Variants in SMIM1 observed in about 807,000 individuals in gnomAD.
SMIM1 encodes the protein small integral membrane protein 1.
Under a neutral mutation model 7.7 loss-of-function variants are expected in SMIM1, and 7 were observed. The ratio of observed to expected loss-of-function variants is 0.91; its 90% CI spans 0.52 to 1.71. The LOEUF (loss-of-function observed/expected upper bound fraction) is 1.71. Among genes scored for constraint, SMIM1 ranks in the 40% most tolerant of loss-of-function variants. The pLI is 0.00. For synonymous variants in SMIM1, 41 were observed against 42.7 expected (o/e 0.96, Z 0.16); for missense variants, 95 against 102.8 (o/e 0.92, Z 0.33).
rs1022028557 is a variant in SMIM1, at chr1:3,775,749, A to G, written c.111-46A>G. ...CCACAGTCCACTTAGGGGGCCCCTC[A>G]TGCGGCCCTGGCCTGGGGCTCACCT... is the stretch of plus-strand genomic sequence containing the variant. On this transcript the variant is annotated intron_variant, in intron 3 of 3. Transcript: ENST00000642557. The surrounding 1 kb of genome is among the most constrained non-coding windows in gnomAD (Gnocchi z 5.3). The G allele has an allele frequency of 1.2e-5, 18 of 1,533,550 alleles. No individual in the cohort carries two copies. Among genetic ancestry groups the G allele is most frequent in the Non-Finnish European group, 1.5e-5 (17 of 1,140,096 alleles). The allele number at this position is 1,533,550 out of a possible 1,614,324, so 95.0% of individuals were successfully genotyped here.
Position 3,775,580 on chromosome 1 carries a change from AC to A in SMIM1, c.110+101del. The stretch of plus-strand genomic sequence containing the variant: ...CCTGCTACCGGCCCCATCACCCTCC[AC>A]CCCATCCTGGCTGGGAGCCCACGGT... On this transcript the variant is annotated intron_variant, in intron 3 of 3. Transcript: ENST00000642557. This position sits in a 1 kb window ranked among gnomAD's most constrained non-coding sequence, Gnocchi z 5.3. 1.5e-6 allele frequency: 2 copies of A among 1,301,266 alleles called. No individual in the cohort carries two copies. Among genetic ancestry groups the A allele is most frequent in the Non-Finnish European group, 2.1e-6 (2 of 955,312 alleles). The allele number at this position is 1,301,266 out of a possible 1,614,324, so 80.6% of individuals were successfully genotyped here.
At position 3,775,752 on chromosome 1, in the gene SMIM1, C is replaced by T. The variant is rs1317398665; in HGVS notation, c.111-43C>T. On this transcript the variant is annotated intron_variant, in intron 3 of 3. Transcript: ENST00000642557. The surrounding 1 kb of genome is among the most constrained non-coding windows in gnomAD (Gnocchi z 5.3). ...CAGTCCACTTAGGGGGCCCCTCATG[C>T]GGCCCTGGCCTGGGGCTCACCTCCA... 7 of 1,533,714 alleles carry T rather than the reference C, an allele frequency of 4.6e-6. No individual in the cohort carries two copies. The highest frequency in any genetic ancestry group is 2.0e-5 in the Admixed American group (1 of 49,504).
Position 3,775,939 on chromosome 1 carries a change from C to G in SMIM1, c.*18C>G, listed in dbSNP as rs61759304. 1.9e-6 allele frequency: 3 copies of G among 1,545,470 alleles called. No homozygotes were observed. The highest frequency in any genetic ancestry group is 2.6e-6 in the Non-Finnish European group (3 of 1,146,144). ...GCAAATAAATGCTGCCCCGCATGCA[C>G]GCGGGGGGCTGGCCGCACACGTGAG... On this transcript the variant is annotated 3_prime_UTR_variant, in exon 4 of 4. Coordinates refer to ENST00000642557, the MANE Select transcript of SMIM1 (RefSeq NM_001288583.2). This position sits in a 1 kb window ranked among gnomAD's most constrained non-coding sequence, Gnocchi z 5.3.
Position 3,774,869 on chromosome 1 carries a change from A to AC in SMIM1, c.-75-422dup, listed in dbSNP as rs1161644182. On this transcript the variant is annotated intron_variant, in intron 2 of 3. Transcript: ENST00000642557. ...TGCCCCGGACCTGCTGCCCTGCCCC[A>AC]CCCCCCCCTCCCCTGGCCAGCCTCC... 7.5e-4 allele frequency among the ~76,000 whole-genome samples: 72 copies of AC among 96,466 alleles called. No homozygotes were observed. In the South Asian group the frequency reaches 7.5e-3, roughly 10 times the overall value. The allele number at this position is 96,466 out of a possible 152,430, so 63.3% of individuals were successfully genotyped here.
At chr1:3,774,018 C>A (rs1455866896) in intron 2 of SMIM1, among the ~76,000 whole-genome samples, 2 of 152,234 alleles carry the variant, frequency 1.3e-5, no homozygotes, top group Non-Finnish European at 2.9e-5. Context: ...CCTCTCTGGG[C>A]TTTGGGGGAA....
rs111573237 is a variant in SMIM1, at chr1:3,774,083, G to A, written c.-76+902G>A. 3.3e-3 allele frequency among the ~76,000 whole-genome samples: 510 copies of A among 152,326 alleles called. 3 individuals carry two copies. Among genetic ancestry groups the A allele is most frequent in the Non-Finnish European group, 4.3e-3 (293 of 68,022 alleles). ...AACTGCCTGGGGCCTGAGTTTCTGA[G>A]CTGGCTTCTTGCAGGGGAGTGGCTG... On this transcript the variant is annotated intron_variant, in intron 2 of 3. Coordinates refer to ENST00000642557, the MANE Select transcript of SMIM1 (RefSeq NM_001288583.2).
intron 2 of SMIM1, among the ~76,000 whole-genome samples, chr1:3,773,497 C>G (rs934016712): frequency 6.6e-6 from 1 of 152,146 alleles, no homozygotes; most frequent in South Asian, 2.1e-4. Flanking sequence ...GTTGAACACA[C>G]TGGGCTTGAC....
At chr1:3,774,587 C>T (rs921477257) in intron 2 of SMIM1, among the ~76,000 whole-genome samples, 1 of 152,190 alleles carries the variant, frequency 6.6e-6, no homozygotes, top group African/African-American at 2.4e-5. Context: ...AGGGAGCTGG[C>T]CTTGGGGCCG....
chr1:3,775,388 G>A lies in SMIM1; in HGVS notation c.15G>A (p.Glu5=), dbSNP rs997205009. The A allele has an allele frequency of 3.2e-6, 5 of 1,549,982 alleles. No individual in the cohort carries two copies. In the African/African-American group the frequency reaches 6.9e-5, roughly 21 times the overall value. MQPQ[E]SHVHYSRWED... Reference sequence around the variant, plus strand: ...AGCCCCACAGCATGCAGCCCCAGGAGAGCCACGTCCACTATAGTAGGTGGG... The same window carrying A: ...AGCCCCACAGCATGCAGCCCCAGGAAAGCCACGTCCACTATAGTAGGTGGG... Residue 5 remains glutamate, a synonymous_variant, in exon 3 of 4, where the codon GAG becomes GAA. Transcript: ENST00000642557. The surrounding 1 kb of genome is among the most constrained non-coding windows in gnomAD (Gnocchi z 5.3).
At chr1:3,774,009 C>G (rs1484883358) in intron 2 of SMIM1, among the ~76,000 whole-genome samples, 1 of 152,242 alleles carries the variant, frequency 6.6e-6, no homozygotes, top group Non-Finnish European at 1.5e-5. Flanking sequence ...CTCCTTCTGC[C>G]TCTCTGGGCT....
At chr1:3,774,419 G>A (rs1004171101) in intron 2 of SMIM1, among the ~76,000 whole-genome samples, 1 of 152,154 alleles carries the variant, frequency 6.6e-6, no homozygotes, top group Non-Finnish European at 1.5e-5. Context: ...CTTAGAGTCC[G>A]GGCTGGCTCA....
rs1643398594 is a variant in SMIM1, at chr1:3,772,806, C to CGGGCTGCGGCTTCCCGGTGCGGCCGCAGT, written c.-195+23_-195+51dup. 2.0e-5 allele frequency: 3 copies of CGGGCTGCGGCTTCCCGGTGCGGCCGCAGT among 152,442 alleles called. No homozygotes were observed. Among genetic ancestry groups the CGGGCTGCGGCTTCCCGGTGCGGCCGCAGT allele is most frequent in the African/African-American group, 7.2e-5 (3 of 41,450 alleles). 9.4% of individuals were successfully genotyped at this position (152,442 alleles called of 1,614,324 possible). A position where few individuals can be genotyped will look rare whatever the true frequency, so the allele number is the denominator to read the frequency against. ...GGACACAGGTGAGGCGCGCGGGGTC[C>CGGGCTGCGGCTTCCCGGTGCGGCCGCAGT]GGGCTGCGGCTTCCCGGTGCGGCCG... On this transcript the variant is annotated intron_variant, in intron 1 of 3. Coordinates refer to ENST00000642557, the MANE Select transcript of SMIM1 (RefSeq NM_001288583.2).
rs1159550378 is a variant in SMIM1 at position 3,775,835 on chromosome 1, A to G, written c.151A>G (p.Met51Val). 6.4e-7 allele frequency: 1 copy of G among 1,550,858 alleles called. No homozygotes were observed. The highest frequency in any genetic ancestry group is 1.2e-5 in the South Asian group (1 of 84,064). Residue 51 changes from methionine to valine, a missense_variant, in exon 4 of 4, where the codon ATG becomes GTG. Transcript: ENST00000642557. This position sits in a 1 kb window ranked among gnomAD's most constrained non-coding sequence, Gnocchi z 5.3. Reference sequence around the variant, plus strand: ...GTGCACGGGCAAGCTGGGCATCGCCATGAAGGTGCTGGGCGGCGTGGCCCT... The same window carrying G: ...GTGCACGGGCAAGCTGGGCATCGCCGTGAAGGTGCTGGGCGGCGTGGCCCT... ...RLCTGKLGIA[M>V]KVLGGVALFW...
At chr1:3,774,712 C>T (rs965035072) in intron 2 of SMIM1, among the ~76,000 whole-genome samples, 11 of 152,180 alleles carry the variant, frequency 7.2e-5, no homozygotes, top group African/African-American at 2.4e-4. Flanking sequence ...GCCCCCCAAG[C>T]CCCAGCCCTC....
rs534294179 is a variant in SMIM1 at position 3,775,721 on chromosome 1, C to A, written c.111-74C>A. ...GGCCCCTCCCCCTGACCCAGACCAA[C>A]GGCCACAGTCCACTTAGGGGGCCCC... On this transcript the variant is annotated intron_variant, in intron 3 of 3. Coordinates refer to ENST00000642557, the MANE Select transcript of SMIM1 (RefSeq NM_001288583.2). The surrounding 1 kb of genome is among the most constrained non-coding windows in gnomAD (Gnocchi z 5.3). 1.9e-5 allele frequency: 28 copies of A among 1,498,534 alleles called. No homozygotes were observed. The South Asian group carries it at 3.3e-4, about 18-fold the overall frequency. The allele number at this position is 1,498,534 out of a possible 1,614,324, so 92.8% of individuals were successfully genotyped here.
rs1643439304 is a variant in SMIM1, at chr1:3,775,201, C to A, written c.-75-98C>A. 1.1e-5 allele frequency: 6 copies of A among 544,638 alleles called. No homozygotes were observed. Among genetic ancestry groups the A allele is most frequent in the African/African-American group, 7.6e-5 (4 of 52,646 alleles). 33.7% of individuals were successfully genotyped at this position (544,638 alleles called of 1,614,324 possible). A position where few individuals can be genotyped will look rare whatever the true frequency, so the allele number is the denominator to read the frequency against. ...GTCACCTGTTAAGTCAGGCGACAGA[C>A]CCGGTGAGGGAGTCAGCCCCCGACC... On this transcript the variant is annotated intron_variant, in intron 2 of 3. Transcript: ENST00000642557. The surrounding 1 kb of genome is among the most constrained non-coding windows in gnomAD (Gnocchi z 5.3).
Position 3,775,699 on chromosome 1 carries a change from C to T in SMIM1, c.111-96C>T. The T allele has an allele frequency of 6.8e-7, 1 of 1,463,990 alleles. No homozygotes were observed. The highest frequency in any genetic ancestry group is 9.0e-7 in the Non-Finnish European group (1 of 1,107,242). The allele number at this position is 1,463,990 out of a possible 1,614,324, so 90.7% of individuals were successfully genotyped here. A position where few individuals can be genotyped will look rare whatever the true frequency, so the allele number is the denominator to read the frequency against. ...CTTGACTCCAGCAGAGCGCCCAGGC[C>T]CCTCCCCCTGACCCAGACCAACGGC... On this transcript the variant is annotated intron_variant, in intron 3 of 3. Transcript: ENST00000642557. This position sits in a 1 kb window ranked among gnomAD's most constrained non-coding sequence, Gnocchi z 5.3.
chr1:3,773,616 C>T (rs558867972), intron 2 of SMIM1, among the ~76,000 whole-genome samples: 14 of 152,224 alleles, frequency 9.2e-5, no homozygotes, highest in Non-Finnish European at 1.9e-4. Flanking sequence ...TGCTGCAGCT[C>T]CAGCAGCTCC....
In SMIM1 at chr1:3,775,816, G is replaced by T. The variant is rs781707432; in HGVS notation, c.132G>T (p.Thr44=). Residue 44 remains threonine, a synonymous_variant, in exon 4 of 4, where the codon ACG becomes ACT. Coordinates refer to ENST00000642557, the MANE Select transcript of SMIM1 (RefSeq NM_001288583.2). This position sits in a 1 kb window ranked among gnomAD's most constrained non-coding sequence, Gnocchi z 5.3. ...RCRRISQRLC[T]GKLGIAMKVL... Reference sequence around the variant, plus strand: ...CCAGGATCTCCCAGAGGCTGTGCACGGGCAAGCTGGGCATCGCCATGAAGG... The same window carrying T: ...CCAGGATCTCCCAGAGGCTGTGCACTGGCAAGCTGGGCATCGCCATGAAGG... 1.9e-6 allele frequency: 3 copies of T among 1,550,480 alleles called. No individual in the cohort carries two copies. Among genetic ancestry groups the T allele is most frequent in the African/African-American group, 2.7e-5 (2 of 73,062 alleles).
Sources: gnomAD v4.1 joint callset for allele counts (sites outside exome capture counted in the v4.1 genomes callset) on GRCh38, gnomAD v4.1.1 for gene constraint, Gnocchi (gnomAD v3.1) non-coding constraint, MANE v1.5 for transcripts, NCBI Gene and HGNC (gene_info 2026-07-23, HGNC 2026-07-21) for gene names.